The following FABP12 variants were observed in gnomAD, a reference collection of about 807,000 sequenced individuals.
The protein encoded by FABP12 is fatty acid binding protein 12.
Under a neutral mutation model 13.7 loss-of-function variants are expected in FABP12, and 19 were observed. The observed-to-expected ratio is 1.39, with a 90% CI of 0.97 to 2.04. The LOEUF is 2.04. FABP12 is among the 30% of genes most tolerant of loss of function. FABP12 has a pLI of 0.00. For synonymous variants in FABP12, 61 were observed against 57.0 expected (o/e 1.07, Z -0.32); for missense variants, 182 against 164.2 (o/e 1.11, Z -0.59).
intron 1 of FABP12, among the ~76,000 whole-genome samples, chr8:81,561,218 C>A (rs1404526790): frequency 6.6e-6 from 1 of 152,170 alleles, no homozygotes; most frequent in African/African-American, 2.4e-5. Flanking sequence ...ATCTCCCACT[C>A]TTTCTGAAAG....
chr8:81,544,709 A>C (rs919975745), intron 1 of FABP12, among the ~76,000 whole-genome samples: 13 of 152,130 alleles, frequency 8.5e-5, no homozygotes, highest in Non-Finnish European at 1.8e-4. Context: ...TGCACTTGGC[A>C]CTCTTTTCTC....
chr8:81,533,119 CCT>C (rs1809123089), intron 1 of FABP12: 1 of 152,168 alleles, frequency 6.6e-6, no homozygotes, highest in African/African-American at 2.4e-5. Flanking sequence ...GGTGTTTTTC[CCT>C]GTTGCTGACA....
chr8:81,581,564 C>A lies in FABP12; in HGVS notation c.-185+8489G>T, dbSNP rs79164998. Among the ~76,000 whole-genome samples, 1,056 of 152,228 alleles carry A rather than the reference C, an allele frequency of 6.9e-3. 14 individuals are homozygous for A. The highest frequency in any genetic ancestry group is 7.4e-3 in the Non-Finnish European group (500 of 68,012). On this transcript the variant is annotated intron_variant, in intron 1 of 5. Transcript: ENST00000692030. ...TTGAATGTCAAAGACAGAGAGAATTCTAAAAGCAGCAAGAGAAAAGCATCT... is the reference window on the plus strand; with the variant it reads ...TTGAATGTCAAAGACAGAGAGAATTATAAAAGCAGCAAGAGAAAAGCATCT...
At position 81,525,129 on chromosome 8, in the gene FABP12, CAA is replaced by C; in HGVS notation, c.349-11_349-10del. On this transcript the variant is annotated splice_polypyrimidine_tract_variant and intron_variant, in intron 4 of 4. Coordinates refer to ENST00000360464, the Ensembl canonical transcript of FABP12. Reference sequence around the variant, plus strand: ...CTGTTCACAGTACTTTCCTACAAGACAAAAGAAATATGAGGTATTTCAGTATA... The same window carrying C: ...CTGTTCACAGTACTTTCCTACAAGACAAGAAATATGAGGTATTTCAGTATA... 1 of 1,546,388 alleles carries C rather than the reference CAA, an allele frequency of 6.5e-7. No homozygotes were observed. The highest frequency in any genetic ancestry group is 8.8e-7 in the Non-Finnish European group (1 of 1,132,014).
At chr8:81,570,097 C>T (rs961434144) in intron 1 of FABP12, among the ~76,000 whole-genome samples, 6 of 152,244 alleles carry the variant, frequency 3.9e-5, no homozygotes, top group African/African-American at 1.4e-4. Context: ...TTCTGCAAGG[C>T]TGCAGCTGGA....
intron 1 of FABP12, among the ~76,000 whole-genome samples, chr8:81,570,447 A>G (rs994741323): frequency 6.6e-6 from 1 of 152,216 alleles, no homozygotes. Flanking sequence ...ACTGAGTAAT[A>G]AAACAGTTCA....
chr8:81,556,934 G>C lies in FABP12; in HGVS notation c.-184-17191C>G, dbSNP rs563035801. Among the ~76,000 whole-genome samples the C allele has an allele frequency of 1.2e-4, 17 of 145,938 alleles. No individual in the cohort carries two copies. In the South Asian group the frequency reaches 3.3e-3, roughly 28 times the overall value. Reference sequence around the variant, plus strand: ...GAGTCTTGCTCTGTCACCCAGGATGGAGTGATCTTGGCTCACTACAACCTC... The same window carrying C: ...GAGTCTTGCTCTGTCACCCAGGATGCAGTGATCTTGGCTCACTACAACCTC... On this transcript the variant is annotated intron_variant, in intron 1 of 5. Transcript: ENST00000692030.
intron 2 of FABP12, among the ~76,000 whole-genome samples, chr8:81,539,595 C>T (rs1279922803): frequency 6.6e-6 from 1 of 152,074 alleles, no homozygotes. Context: ...TGCTGGTAAA[C>T]AGCATGCTAT....
exon 5 of FABP12, chr8:81,525,075 C>T (rs749605915): frequency 6.3e-6 from 10 of 1,598,316 alleles, no homozygotes; most frequent in Non-Finnish European, 8.5e-6. Context: ...TTTGATGATA[C>T]TTTCTCGTAT....
intron 1 of FABP12, among the ~76,000 whole-genome samples, chr8:81,587,206 T>C (rs1208298760): frequency 6.6e-6 from 1 of 152,224 alleles, no homozygotes; most frequent in Admixed American, 6.5e-5. Flanking sequence ...CCTTGTAATA[T>C]AGTTTGAAAT....
chr8:81,562,325 G>C (rs1415388218), intron 1 of FABP12, among the ~76,000 whole-genome samples: 2 of 152,164 alleles, frequency 1.3e-5, no homozygotes, highest in Non-Finnish European at 2.9e-5. Context: ...TTGGCTTCAG[G>C]GGTGACCCAG....
At chr8:81,580,467 A>C (rs1810138567) in intron 1 of FABP12, among the ~76,000 whole-genome samples, 4 of 151,802 alleles carry the variant, frequency 2.6e-5, no homozygotes, top group Admixed American at 2.6e-4. Flanking sequence ...CTATTAATTA[A>C]AAAGGCCAGT....
chr8:81,560,754 C>CAG (rs535343611), intron 1 of FABP12, among the ~76,000 whole-genome samples: 153 of 152,292 alleles, frequency 1.0e-3, no homozygotes, highest in African/African-American at 3.6e-3. Context: ...GCACAGACTG[C>CAG]AGAGATTGAG....
chr8:81,583,166 C>T (rs1438475706), intron 1 of FABP12, among the ~76,000 whole-genome samples: 1 of 152,106 alleles, frequency 6.6e-6, no homozygotes, highest in Non-Finnish European at 1.5e-5. Context: ...AAAATCAGCA[C>T]ACAACATGTC....
intron 1 of FABP12, among the ~76,000 whole-genome samples, chr8:81,560,535 A>G (rs573761823): frequency 1.0e-3 from 153 of 152,262 alleles, no homozygotes; most frequent in African/African-American, 3.6e-3. Flanking sequence ...CCATCCCCCC[A>G]TCAGCCAGAC....
upstream of FABP12, among the ~76,000 whole-genome samples, chr8:81,535,132 A>G (rs970776645): frequency 4.6e-5 from 7 of 152,170 alleles, no homozygotes; most frequent in African/African-American, 1.7e-4. Flanking sequence ...TGGGGTTATT[A>G]GTTGATTTTT....
At chr8:81,525,005 T>G (rs1751988678) in exon 5 of FABP12, 1 of 1,336,916 alleles carries the variant, frequency 7.5e-7, no homozygotes, top group Admixed American at 2.0e-5. Flanking sequence ...GGAGTTTTAT[T>G]TAAACAACCT....
upstream of FABP12, among the ~76,000 whole-genome samples, chr8:81,535,120 A>G (rs188440501): frequency 3.6e-4 from 55 of 152,306 alleles, no homozygotes; most frequent in South Asian, 5.4e-3. Context: ...GTAGCCCATC[A>G]TTGGGGTTAT....
chr8:81,552,115 G>A (rs1409272939), intron 1 of FABP12, among the ~76,000 whole-genome samples: 5 of 152,142 alleles, frequency 3.3e-5, no homozygotes, highest in African/African-American at 1.2e-4. Context: ...CAACACAGGA[G>A]CAGCTCACCA....
Sources: gnomAD v4.1 joint callset for allele counts (sites outside exome capture counted in the v4.1 genomes callset) on GRCh38, gnomAD v4.1.1 for gene constraint, MANE v1.5 for transcripts, NCBI Gene and HGNC (gene_info 2026-07-23, HGNC 2026-07-21) for gene names.